The following CNTN5 variants were observed in gnomAD, a reference collection of about 807,000 sequenced individuals.
The protein encoded by CNTN5 is contactin-5.
Under a neutral mutation model 129.1 loss-of-function variants are expected in CNTN5, and 77 were observed. The ratio of observed to expected loss-of-function variants is 0.60; its 90% CI spans 0.50 to 0.72. The LOEUF is 0.72. Among genes scored for constraint, CNTN5 ranks in the 30% least tolerant of loss-of-function variants. CNTN5 has a pLI of 0.00. For missense variants in CNTN5, 1,478 were observed against 1,328.8 expected (o/e 1.11, Z -1.75); for synonymous variants, 509 against 465.6 (o/e 1.09, Z -1.20).
In CNTN5 at chr11:99,292,253, T is replaced by TAA. The variant is rs34354242; in HGVS notation, c.-209-33084_-209-33083dup. The stretch of plus-strand genomic sequence containing the variant: ...ATATATATATAAAAGCTTACAAAGT[T>TAA]AAAAAAAAAACACATAAAAAACTTC... On this transcript the variant is annotated intron_variant, in intron 1 of 24. Transcript: ENST00000524871. Among the ~76,000 whole-genome samples the TAA allele has an allele frequency of 6.3e-3, 932 of 147,626 alleles. 9 individuals are homozygous for TAA. The highest frequency in any genetic ancestry group is 0.014 in the African/African-American group (568 of 40,474).
At chr11:99,132,694 C>A (rs1455798105) in intron 1 of CNTN5, among the ~76,000 whole-genome samples, 4 of 152,028 alleles carry the variant, frequency 2.6e-5, no homozygotes, top group African/African-American at 9.7e-5. Context: ...ATACAACTAA[C>A]AAGGGAAATG....
At chr11:99,731,485 A>G (rs571318555) in intron 3 of CNTN5, among the ~76,000 whole-genome samples, 11 of 152,312 alleles carry the variant, frequency 7.2e-5, no homozygotes, top group African/African-American at 2.6e-4. Flanking sequence ...TTGGCATGTT[A>G]TCAAAATGCA....
At position 99,818,155 on chromosome 11, in the gene CNTN5, TTTAA is replaced by T. The variant is rs1303509016; in HGVS notation, c.56-1381_56-1378del. 2.6e-5 allele frequency among the ~76,000 whole-genome samples: 4 copies of T among 152,206 alleles called. No homozygotes were observed. The South Asian group carries it at 8.3e-4, about 31-fold the overall frequency. On this transcript the variant is annotated intron_variant, in intron 3 of 24. Transcript: ENST00000524871. The stretch of plus-strand genomic sequence containing the variant: ...AGACAGCATAATTATTCTAAATAAT[TTTAA>T]TTAATTATGAGAAAGCTTACTTACA...
At chr11:100,039,973 A>G (rs915476434) in intron 9 of CNTN5, among the ~76,000 whole-genome samples, 3 of 152,142 alleles carry the variant, frequency 2.0e-5, no homozygotes, top group Non-Finnish European at 4.4e-5. Flanking sequence ...TCAACTCGTC[A>G]AAGTCATTCT....
At chr11:100,198,517 T>G (rs766930085) in intron 15 of CNTN5, among the ~76,000 whole-genome samples, 2 of 151,768 alleles carry the variant, frequency 1.3e-5, no homozygotes, top group African/African-American at 4.8e-5. Flanking sequence ...CCTCAGTGAG[T>G]AGCATTAGAA....
Position 100,070,424 on chromosome 11 carries a change from C to A in CNTN5, c.1163C>A (p.Thr388Asn). ...NSFRGQLQVYTYPHWVEKLND... is the reference protein window; with the variant it reads ...NSFRGQLQVYNYPHWVEKLND... ...TTGTTTACTGCTTACATACTTACAG[C>A]CTACCCACACTGGGTAGAAAAACTG... The change falls in exon 11 of 25, where the codon ACC becomes AAC. Residue 388 changes from threonine (T) to asparagine (N), a missense_variant and splice_region_variant. Thr to Asn is a moderately conservative substitution (Grantham distance 65). Transcript: ENST00000524871. The A allele has an allele frequency of 6.2e-7, 1 of 1,610,964 alleles. No individual in the cohort carries two copies. The highest frequency in any genetic ancestry group is 1.1e-5 in the South Asian group (1 of 90,772).
At chr11:99,151,785 C>G (rs1417977423) in intron 1 of CNTN5, among the ~76,000 whole-genome samples, 1 of 151,982 alleles carries the variant, frequency 6.6e-6, no homozygotes, top group African/African-American at 2.4e-5. Context: ...CCATCATTCT[C>G]AGCAAACTAA....
intron 21 of CNTN5, among the ~76,000 whole-genome samples, chr11:100,333,570 A>G (rs182239439): frequency 6.2e-4 from 95 of 152,306 alleles, no homozygotes; most frequent in Non-Finnish European, 1.1e-3. Flanking sequence ...ACAGCATGGT[A>G]CTGATATAAA....
intron 2 of CNTN5, among the ~76,000 whole-genome samples, chr11:99,385,888 T>G (rs1940896864): frequency 6.6e-6 from 1 of 152,206 alleles, no homozygotes; most frequent in Admixed American, 6.5e-5. Context: ...TTCCTCATGT[T>G]GTCAAAATGA....
At chr11:99,140,500 GA>G (rs1326501052) in intron 1 of CNTN5, among the ~76,000 whole-genome samples, 2 of 130,430 alleles carry the variant, frequency 1.5e-5, no homozygotes, top group East Asian at 5.1e-4. Context: ...TTTCTTACCC[GA>G]TAGCTCAGAC....
At chr11:99,547,016 T>C (rs1032032142) in intron 2 of CNTN5, among the ~76,000 whole-genome samples, 1 of 151,170 alleles carries the variant, frequency 6.6e-6, no homozygotes, top group African/African-American at 2.4e-5. Context: ...TTTTTTTTTT[T>C]TTTTGAGACA....
chr11:99,125,032 A>T (rs1858550428), intron 1 of CNTN5, among the ~76,000 whole-genome samples: 1 of 152,038 alleles, frequency 6.6e-6, no homozygotes, highest in African/African-American at 2.4e-5. Flanking sequence ...CTACCTAGAG[A>T]TGTATAAAAA....
intron 3 of CNTN5, among the ~76,000 whole-genome samples, chr11:99,757,196 G>C (rs984300915): frequency 2.0e-5 from 3 of 152,020 alleles, no homozygotes; most frequent in African/African-American, 4.8e-5. Flanking sequence ...TTCACTTGAA[G>C]ATGCATCACT....
chr11:99,644,358 G>T (rs1951873725), intron 3 of CNTN5, among the ~76,000 whole-genome samples: 1 of 152,120 alleles, frequency 6.6e-6, no homozygotes, highest in Non-Finnish European at 1.5e-5. Context: ...GTTGCCTTTG[G>T]ATTGTACTGT....
intron 7 of CNTN5, among the ~76,000 whole-genome samples, chr11:99,940,020 T>C (rs1950400097): frequency 6.6e-6 from 1 of 152,166 alleles, no homozygotes; most frequent in Non-Finnish European, 1.5e-5. Context: ...CCAGGAATGA[T>C]TTTACCGTCA....
At chr11:99,993,558 C>T (rs905895423) in intron 8 of CNTN5, among the ~76,000 whole-genome samples, 1 of 152,152 alleles carries the variant, frequency 6.6e-6, no homozygotes, top group African/African-American at 2.4e-5. Flanking sequence ...ATTATGCAGC[C>T]TAGCTCCCTT....
intron 1 of CNTN5, among the ~76,000 whole-genome samples, chr11:99,110,215 A>G (rs531972138): frequency 1.3e-5 from 2 of 152,218 alleles, no homozygotes; most frequent in South Asian, 4.1e-4. Flanking sequence ...AGGAATACTC[A>G]AATATAAAGA....
At chr11:99,392,822 T>A (rs928826612) in intron 2 of CNTN5, among the ~76,000 whole-genome samples, 2 of 151,924 alleles carry the variant, frequency 1.3e-5, no homozygotes, top group Admixed American at 6.6e-5. Flanking sequence ...ATATTTTTAA[T>A]CCAATTAATC....
intron 2 of CNTN5, among the ~76,000 whole-genome samples, chr11:99,388,128 T>C (rs1941024697): frequency 6.6e-6 from 1 of 152,014 alleles, no homozygotes; most frequent in East Asian, 1.9e-4. Context: ...TGAAAGATGC[T>C]TTCATGGCTG....
Sources: allele counts gnomAD v4.1 joint callset (sites outside exome capture counted in the v4.1 genomes callset), GRCh38; gene constraint gnomAD v4.1.1; transcripts MANE v1.5; gene names NCBI Gene and HGNC (gene_info 2026-07-23, HGNC 2026-07-21).